Variants in MME observed in about 807,000 individuals in gnomAD.
The protein encoded by MME is membrane metalloendopeptidase.
Under a neutral mutation model 113.2 loss-of-function variants are expected in MME, and 98 were observed. The observed-to-expected ratio is 0.87, with a 90% confidence interval of 0.74 to 1.02. The LOEUF is 1.02. MME is among the 50% of genes least tolerant of loss of function. MME has a pLI of 0.00. For synonymous variants in MME, 292 were observed against 300.6 expected (o/e 0.97, Z 0.30); for missense variants, 836 against 896.0 (o/e 0.93, Z 0.86).
intron 16 of MME, among the ~76,000 whole-genome samples, chr3:155,155,239 G>A (rs1722231233): frequency 6.6e-6 from 1 of 152,122 alleles, no homozygotes; most frequent in Non-Finnish European, 1.5e-5. Flanking sequence ...GAAATTTTAG[G>A]TAGTTCTTTT....
Position 155,144,441 on chromosome 3 carries a change from A to G in MME, c.1400A>G (p.Lys467Arg). 1 of 1,611,488 alleles carries G rather than the reference A, an allele frequency of 6.2e-7. No homozygotes were observed. Among genetic ancestry groups the G allele is most frequent in the Non-Finnish European group, 8.5e-7 (1 of 1,177,824 alleles). The change falls in exon 14 of 23, where the codon AAG becomes AGG. Residue 467 changes from lysine to arginine, a missense_variant. Physicochemically the swap from Lys to Arg is conservative, Grantham distance 26 (BLOSUM62 2). Transcript: ENST00000360490. ...ACTTGGATGGATGCCGAGACAAAAA[A>G]GAGAGCTGAAGAAAAGGTAAAGAGC... ...DLTWMDAETKKRAEEKALAIK... is the reference protein window; with the variant it reads ...DLTWMDAETKRRAEEKALAIK...
At chr3:155,169,829 G>A (rs1711712143) in intron 20 of MME, among the ~76,000 whole-genome samples, 1 of 152,070 alleles carries the variant, frequency 6.6e-6, no homozygotes, top group African/African-American at 2.4e-5. Flanking sequence ...ATCAATGGTT[G>A]GATCAGGGAA....
At chr3:155,099,531 C>T (rs918128568) in intron 3 of MME, among the ~76,000 whole-genome samples, 3 of 152,090 alleles carry the variant, frequency 2.0e-5, no homozygotes, top group African/African-American at 7.2e-5. Context: ...GAGCAGGTAC[C>T]CAATAGCCAG....
upstream of MME, among the ~76,000 whole-genome samples, chr3:155,078,798 T>C (rs546706816): frequency 6.6e-5 from 10 of 152,168 alleles, 1 homozygote; most frequent in African/African-American, 2.2e-4. Context: ...TTGGCAATTA[T>C]AGCTGCTAAA....
At chr3:155,034,362 C>T (rs975573263) in intron 1 of MME, among the ~76,000 whole-genome samples, 2 of 152,024 alleles carry the variant, frequency 1.3e-5, no homozygotes, top group Non-Finnish European at 2.9e-5. Context: ...GTGGAGATTC[C>T]CTGGCAATAA....
At chr3:155,033,472 G>T (rs575868558) in intron 1 of MME, among the ~76,000 whole-genome samples, 1 of 152,212 alleles carries the variant, frequency 6.6e-6, no homozygotes, top group South Asian at 2.1e-4. Context: ...TATGTAACAA[G>T]CTTCATTATA....
At chr3:155,074,089 T>C (rs1026776436) in intron 1 of MME, among the ~76,000 whole-genome samples, 1 of 151,894 alleles carries the variant, frequency 6.6e-6, no homozygotes, top group Non-Finnish European at 1.5e-5. Context: ...CATCCAGGCC[T>C]TCTAACACAA....
intron 1 of MME, among the ~76,000 whole-genome samples, chr3:155,033,338 C>T (rs530913862): frequency 1.3e-5 from 2 of 152,248 alleles, no homozygotes; most frequent in African/African-American, 4.8e-5. Context: ...TAATATATTG[C>T]TGACGTTAGA....
At chr3:155,138,366 T>C (rs1720804584) in intron 9 of MME, 130 bp downstream of exon 9, 2 of 897,678 alleles carry the variant, frequency 2.2e-6, no homozygotes, top group Non-Finnish European at 3.5e-6. Flanking sequence ...GGCTTGGTAA[T>C]AGATCATTGA....
chr3:155,092,666 A>T (rs142411374), intron 3 of MME, among the ~76,000 whole-genome samples: 1 of 152,244 alleles, frequency 6.6e-6, no homozygotes, highest in Non-Finnish European at 1.5e-5. Context: ...GATACCACAC[A>T]GCAATAAAAA....
chr3:155,102,260 T>C (rs1184633129), intron 3 of MME, among the ~76,000 whole-genome samples: 2 of 152,198 alleles, frequency 1.3e-5, no homozygotes, highest in Non-Finnish European at 2.9e-5. Context: ...GTGTAATTAA[T>C]TGAGAATGAA....
intron 18 of MME, among the ~76,000 whole-genome samples, chr3:155,167,443 CT>C (rs149438898): frequency 1.5e-4 from 22 of 148,810 alleles, no homozygotes; most frequent in Admixed American, 2.0e-4. Context: ...CTTAAGAGAC[CT>C]TTTTTTTTTC....
intron 13 of MME, 80 bp downstream of exon 13, chr3:155,143,651 C>T: frequency 2.0e-6 from 3 of 1,524,436 alleles, no homozygotes; most frequent in African/African-American, 1.4e-5. Context: ...TTACAGTTCT[C>T]CATCATTTGG....
At chr3:155,061,122 T>A (rs974783869) in intron 1 of MME, among the ~76,000 whole-genome samples, 4 of 152,302 alleles carry the variant, frequency 2.6e-5, no homozygotes, top group South Asian at 2.1e-4. Flanking sequence ...GTAACACTTT[T>A]AAAAATTGTA....
chr3:155,074,977 C>A (rs1488211847), upstream of MME, among the ~76,000 whole-genome samples: 4 of 151,802 alleles, frequency 2.6e-5, no homozygotes, highest in East Asian at 3.9e-4. Flanking sequence ...ATTGGATTAT[C>A]TTTTAATATT....
chr3:155,153,038 C>CT (rs112469021), intron 16 of MME, among the ~76,000 whole-genome samples: 508 of 140,030 alleles, frequency 3.6e-3, no homozygotes, highest in African/African-American at 5.5e-3. Flanking sequence ...CAGGGATTTA[C>CT]TTTTTTTTTT....
chr3:155,132,441 A>C (rs554706367), intron 8 of MME, among the ~76,000 whole-genome samples: 7 of 152,272 alleles, frequency 4.6e-5, no homozygotes, highest in African/African-American at 1.7e-4. Flanking sequence ...TGATTTTAAA[A>C]CCCACAAAAC....
intron 12 of MME, among the ~76,000 whole-genome samples, chr3:155,142,978 T>C (rs776450402): frequency 6.6e-6 from 1 of 152,162 alleles, no homozygotes; most frequent in Non-Finnish European, 1.5e-5. Flanking sequence ...TGCAAAAATG[T>C]ATTGTGCTAA....
chr3:155,080,637 G>A (rs1327675120), intron 1 of MME, among the ~76,000 whole-genome samples, 171 bp downstream of exon 1: 4 of 152,038 alleles, frequency 2.6e-5, no homozygotes, highest in Non-Finnish European at 5.9e-5. Flanking sequence ...GGTCGGTGCG[G>A]GGCTGGTGTG....
Sources: allele counts gnomAD v4.1 joint callset (sites outside exome capture counted in the v4.1 genomes callset), GRCh38; gene constraint gnomAD v4.1.1; transcripts MANE v1.5; gene names NCBI Gene and HGNC (gene_info 2026-07-23, HGNC 2026-07-21).